The following PCBP1 variants were observed in gnomAD, a reference collection of about 807,000 sequenced individuals.
PCBP1 encodes poly(rC)-binding protein 1.
For synonymous variants in PCBP1, 284 were observed against 195.8 expected, an observed-to-expected ratio of 1.45 and a Z score of -3.76; for missense variants, 244 against 474.4, an observed-to-expected ratio of 0.51 and a Z score of 4.51.
chr2:70,087,643 C>T lies in PCBP1; in HGVS notation c.-101C>T. On this transcript the variant is annotated 5_prime_UTR_variant, in exon 1 of 1. Coordinates refer to ENST00000303577, the MANE Select transcript of PCBP1 (RefSeq NM_006196.4). ...GCTCCCGCGGCCCTCGCTCGCCTCGCGCCGGCAGTTTTGGGCCTACACCTC... is the reference window on the plus strand; with the variant it reads ...GCTCCCGCGGCCCTCGCTCGCCTCGTGCCGGCAGTTTTGGGCCTACACCTC... 1 of 702,914 alleles carries T rather than the reference C, an allele frequency of 1.4e-6. No individual in the cohort carries two copies. The allele number at this position is 702,914 out of a possible 1,614,324, so 43.5% of individuals were successfully genotyped here.
rs1175574794 is a variant in PCBP1 at position 70,087,863 on chromosome 2, C to T, written c.120C>T (p.Arg40=). 1.9e-6 allele frequency: 3 copies of T among 1,612,406 alleles called. No individual in the cohort carries two copies. The highest frequency in any genetic ancestry group is 2.7e-5 in the African/African-American group (2 of 74,806). ...AAGGGGAGTCGGTTAAGAGGATCCG[C>T]GAGGAGAGTGGCGCGCGGATCAACA... ...GKKGESVKRI[R]EESGARINIS... is the part of the protein sequence containing the mutation. The change falls in exon 1 of 1, where the codon CGC becomes CGT. Residue 40 remains arginine (R), a synonymous_variant. Coordinates refer to ENST00000303577, the MANE Select transcript of PCBP1 (RefSeq NM_006196.4).
Position 70,087,957 on chromosome 2 carries a change from T to C in PCBP1, c.214T>C (p.Phe72Leu). ...TGPTNAIFKA[F>L]AMIIDKLEED... is the part of the protein sequence containing the mutation. ...CCCCACCAATGCCATCTTTAAGGCTTTCGCTATGATCATCGACAAGCTGGA... is the reference window on the plus strand; with the variant it reads ...CCCCACCAATGCCATCTTTAAGGCTCTCGCTATGATCATCGACAAGCTGGA... The change falls in exon 1 of 1, where the codon TTC becomes CTC. Residue 72 changes from phenylalanine to leucine, a missense_variant. Phe to Leu is a conservative substitution (Grantham distance 22). Coordinates refer to ENST00000303577, the MANE Select transcript of PCBP1 (RefSeq NM_006196.4). 6.2e-7 allele frequency: 1 copy of C among 1,613,702 alleles called. No individual in the cohort carries two copies. The highest frequency in any genetic ancestry group is 8.5e-7 in the Non-Finnish European group (1 of 1,179,850).
rs1235031641 is a variant in PCBP1, at chr2:70,087,717, T to TC, written c.-22dup. The TC allele has an allele frequency of 4.1e-6, 6 of 1,458,150 alleles. No homozygotes were observed. Among genetic ancestry groups the TC allele is most frequent in the Non-Finnish European group, 5.6e-6 (6 of 1,074,396 alleles). 90.3% of individuals were successfully genotyped at this position (1,458,150 alleles called of 1,614,324 possible). A position where few individuals can be genotyped will look rare whatever the true frequency, so the allele number is the denominator to read the frequency against. ...GACTTGACCACGTAACGAGCCCAAC[T>TC]CCCCCGAACGCCGCCCGCCGCTCGC... On this transcript the variant is annotated 5_prime_UTR_variant, in exon 1 of 1. Coordinates refer to ENST00000303577, the MANE Select transcript of PCBP1 (RefSeq NM_006196.4).
Position 70,087,947 on chromosome 2 carries a change from C to T in PCBP1, c.204C>T (p.Ile68=), listed in dbSNP as rs11545480. 1.0e-4 allele frequency: 163 copies of T among 1,613,650 alleles called. No homozygotes were observed. In the African/African-American group the frequency reaches 1.9e-3, roughly 19 times the overall value. ...IITLTGPTNA[I]FKAFAMIIDK... ...CTCTGACCGGCCCCACCAATGCCAT[C>T]TTTAAGGCTTTCGCTATGATCATCG... Residue 68 remains isoleucine (I), a synonymous_variant, in exon 1 of 1, where the codon ATC becomes ATT. Coordinates refer to ENST00000303577, the MANE Select transcript of PCBP1 (RefSeq NM_006196.4).
In PCBP1 at chr2:70,087,681, C is replaced by T. The variant is rs926931803; in HGVS notation, c.-63C>T. On this transcript the variant is annotated 5_prime_UTR_variant, in exon 1 of 1. Transcript: ENST00000303577. ...GGGCCTACACCTCCCCTCCCCCCGC[C>T]AGCCGCCAAAGACTTGACCACGTAA... 12 of 1,172,172 alleles carry T rather than the reference C, an allele frequency of 1.0e-5. No individual in the cohort carries two copies. The South Asian group carries it at 1.7e-4, about 16-fold the overall frequency. The allele number at this position is 1,172,172 out of a possible 1,614,324, so 72.6% of individuals were successfully genotyped here.
rs1253538362 is a variant in PCBP1 at position 70,088,343 on chromosome 2, G to T, written c.600G>T (p.Arg200=). 6.2e-7 allele frequency: 1 copy of T among 1,613,860 alleles called. No individual in the cohort carries two copies. The highest frequency in any genetic ancestry group is 1.7e-5 in the Admixed American group (1 of 60,028). Residue 200 remains arginine (R), a synonymous_variant, in exon 1 of 1, where the codon CGG becomes CGT. Transcript: ENST00000303577. This position sits in a 1 kb window ranked among gnomAD's most constrained non-coding sequence, Gnocchi z 4.5. ...TCATCTGCGCGGGCGGCCAAGATCG[G>T]TGCAGCGACGCTGCGGGCTACCCCC... ...SPVICAGGQD[R]CSDAAGYPHA... is the part of the protein sequence containing the mutation.
Position 70,089,085 on chromosome 2 carries a change from AAG to A in PCBP1, c.*274_*275del, listed in dbSNP as rs1222669570. On this transcript the variant is annotated 3_prime_UTR_variant, in exon 1 of 1. Coordinates refer to ENST00000303577, the MANE Select transcript of PCBP1 (RefSeq NM_006196.4). ...ATTTCTGTTTGTCGATAAGAAATGT[AAG>A]AGTGGAATGTTAATAAATTTCAGTT... The A allele has an allele frequency of 5.1e-6, 2 of 391,790 alleles. No individual in the cohort carries two copies. Among genetic ancestry groups the A allele is most frequent in the Non-Finnish European group, 9.5e-6 (2 of 209,908 alleles). The allele number at this position is 391,790 out of a possible 1,614,324, so 24.3% of individuals were successfully genotyped here.
chr2:70,088,250 G>C lies in PCBP1; in HGVS notation c.507G>C (p.Thr169=), dbSNP rs760433487. Residue 169 remains threonine (T), a synonymous_variant, in exon 1 of 1, where the codon ACG becomes ACC. Coordinates refer to ENST00000303577, the MANE Select transcript of PCBP1 (RefSeq NM_006196.4). This position sits in a 1 kb window ranked among gnomAD's most constrained non-coding sequence, Gnocchi z 4.5. ...VKQICLVMLE[T]LSQSPQGRVM... is the part of the protein sequence containing the mutation. ...AGATTTGCCTGGTCATGCTGGAGAC[G>C]CTCTCCCAGTCTCCGCAAGGGAGAG... 8.7e-6 allele frequency: 14 copies of C among 1,613,694 alleles called. No individual in the cohort carries two copies. In the Admixed American group the frequency reaches 2.2e-4, roughly 25 times the overall value.
chr2:70,088,406 C>T lies in PCBP1; in HGVS notation c.663C>T (p.Ala221=), dbSNP rs1161067882. Residue 221 remains alanine (A), a synonymous_variant, in exon 1 of 1, where the codon GCC becomes GCT. Coordinates refer to ENST00000303577, the MANE Select transcript of PCBP1 (RefSeq NM_006196.4). This position sits in a 1 kb window ranked among gnomAD's most constrained non-coding sequence, Gnocchi z 4.5. Reference sequence around the variant, plus strand: ...ACCTGGAGGGACCACCTCTAGATGCCTACTCGATTCAAGGACAACACACCA... The same window carrying T: ...ACCTGGAGGGACCACCTCTAGATGCTTACTCGATTCAAGGACAACACACCA... The part of the protein sequence containing the change: ...THDLEGPPLD[A]YSIQGQHTIS... The T allele has an allele frequency of 1.9e-6, 3 of 1,614,036 alleles. No homozygotes were observed. Among genetic ancestry groups the T allele is most frequent in the South Asian group, 2.2e-5 (2 of 91,094 alleles).
At position 70,087,485 on chromosome 2, in the gene PCBP1, G is replaced by C. The variant is rs1459393711; in HGVS notation, c.-259G>C. ...GGCTTCCCGCCCCGCCCAGACCGCC[G>C]AGGCTGCCGCCGGAGTCGCCACCGC... On this transcript the variant is annotated 5_prime_UTR_variant, in exon 1 of 1. Coordinates refer to ENST00000303577, the MANE Select transcript of PCBP1 (RefSeq NM_006196.4). The C allele has an allele frequency of 6.8e-6, 1 of 147,744 alleles. No homozygotes were observed. The highest frequency in any genetic ancestry group is 2.5e-5 in the African/African-American group (1 of 39,958). 9.2% of individuals were successfully genotyped at this position (147,744 alleles called of 1,614,324 possible).
rs1393836671 is a variant in PCBP1, at chr2:70,088,932, C to CTT, written c.*120_*121dup. The CTT allele has an allele frequency of 8.9e-6, 6 of 676,226 alleles. No homozygotes were observed. The African/African-American group carries it at 1.1e-4, about 12-fold the overall frequency. 41.9% of individuals were successfully genotyped at this position (676,226 alleles called of 1,614,324 possible). On this transcript the variant is annotated 3_prime_UTR_variant, in exon 1 of 1. Transcript: ENST00000303577. The surrounding 1 kb of genome is among the most constrained non-coding windows in gnomAD (Gnocchi z 4.5). Reference sequence around the variant, plus strand: ...TTGTAAGTGTTCAGTTTCTACACAACTTTATCATCCGCTAAGAATTTAAAA... The same window carrying CTT: ...TTGTAAGTGTTCAGTTTCTACACAACTTTTTATCATCCGCTAAGAATTTAAAA...
At position 70,088,604 on chromosome 2, in the gene PCBP1, A is replaced by G. The variant is rs1224951035; in HGVS notation, c.861A>G (p.Pro287=). The G allele has an allele frequency of 6.2e-7, 1 of 1,614,248 alleles. No individual in the cohort carries two copies. Among genetic ancestry groups the G allele is most frequent in the East Asian group, 2.2e-5 (1 of 44,890 alleles). ...AAACCACCCATGAACTCACCATTCC[A>G]AATAACTTAATTGGCTGCATAATCG... ...STQTTHELTI[P]NNLIGCIIGR... The change falls in exon 1 of 1, where the codon CCA becomes CCG. Residue 287 remains proline, a synonymous_variant. Coordinates refer to ENST00000303577, the MANE Select transcript of PCBP1 (RefSeq NM_006196.4). The surrounding 1 kb of genome is among the most constrained non-coding windows in gnomAD (Gnocchi z 4.5).
chr2:70,087,622 C>A lies in PCBP1; in HGVS notation c.-122C>A. On this transcript the variant is annotated 5_prime_UTR_variant, in exon 1 of 1. Transcript: ENST00000303577. ...GCCTCCCGCCCGCTCCCGCTCGCTCCCGCGGCCCTCGCTCGCCTCGCGCCG... is the reference window on the plus strand; with the variant it reads ...GCCTCCCGCCCGCTCCCGCTCGCTCACGCGGCCCTCGCTCGCCTCGCGCCG... 1.8e-6 allele frequency: 1 copy of A among 547,924 alleles called. No individual in the cohort carries two copies. 33.9% of individuals were successfully genotyped at this position (547,924 alleles called of 1,614,324 possible).
chr2:70,087,662 A>T lies in PCBP1; in HGVS notation c.-82A>T. The T allele has an allele frequency of 2.1e-6, 2 of 962,222 alleles. No individual in the cohort carries two copies. Among genetic ancestry groups the T allele is most frequent in the South Asian group, 1.7e-5 (1 of 58,552 alleles). 59.6% of individuals were successfully genotyped at this position (962,222 alleles called of 1,614,324 possible). Reference sequence around the variant, plus strand: ...GCCTCGCGCCGGCAGTTTTGGGCCTACACCTCCCCTCCCCCCGCCAGCCGC... The same window carrying T: ...GCCTCGCGCCGGCAGTTTTGGGCCTTCACCTCCCCTCCCCCCGCCAGCCGC... On this transcript the variant is annotated 5_prime_UTR_variant, in exon 1 of 1. Coordinates refer to ENST00000303577, the MANE Select transcript of PCBP1 (RefSeq NM_006196.4).
rs752253658 is a variant in PCBP1, at chr2:70,087,758, G to T, written c.15G>T (p.Val5=). ...CGCCGCTCGCCATGGATGCCGGTGTGACTGAAAGTGGACTAAATGTGACTC... is the reference window on the plus strand; with the variant it reads ...CGCCGCTCGCCATGGATGCCGGTGTTACTGAAAGTGGACTAAATGTGACTC... MDAG[V]TESGLNVTLT... is the part of the protein sequence containing the mutation. The change falls in exon 1 of 1, where the codon GTG becomes GTT. Residue 5 remains valine (V), a synonymous_variant. Transcript: ENST00000303577. The T allele has an allele frequency of 1.3e-6, 2 of 1,551,742 alleles. No individual in the cohort carries two copies. Among genetic ancestry groups the T allele is most frequent in the African/African-American group, 1.4e-5 (1 of 73,336 alleles).
Position 70,088,525 on chromosome 2 carries a change from A to C in PCBP1, c.782A>C (p.Asp261Ala). 6.2e-7 allele frequency: 1 copy of C among 1,614,190 alleles called. No homozygotes were observed. Residue 261 changes from aspartate (D) to alanine (A), a missense_variant, in exon 1 of 1, where the codon GAC becomes GCC. Asp to Ala is a moderately radical substitution (Grantham distance 126). Coordinates refer to ENST00000303577, the MANE Select transcript of PCBP1 (RefSeq NM_006196.4). The surrounding 1 kb of genome is among the most constrained non-coding windows in gnomAD (Gnocchi z 4.5). ...GGCGGGACCGGATTCGCCGGAATTG[A>C]CTCCAGCTCTCCAGAGGTGAAAGGC... Reference protein sequence around the residue: ...MHGGTGFAGIDSSSPEVKGYW... With the variant: ...MHGGTGFAGIASSSPEVKGYW...
Position 70,087,517 on chromosome 2 carries a change from C to G in PCBP1, c.-227C>G, listed in dbSNP as rs1168392550. 6.8e-6 allele frequency: 1 copy of G among 146,930 alleles called. No individual in the cohort carries two copies. Among genetic ancestry groups the G allele is most frequent in the African/African-American group, 2.5e-5 (1 of 40,470 alleles). 9.1% of individuals were successfully genotyped at this position (146,930 alleles called of 1,614,324 possible). On this transcript the variant is annotated 5_prime_UTR_variant, in exon 1 of 1. Coordinates refer to ENST00000303577, the MANE Select transcript of PCBP1 (RefSeq NM_006196.4). ...CCGCCGGAGTCGCCACCGCCGCGCC[C>G]TCGCCCACCCGCCCGCCCGCCGCTC...
Position 70,088,400 on chromosome 2 carries a change from A to G in PCBP1, c.657A>G (p.Leu219=), listed in dbSNP as rs763588380. Residue 219 remains leucine (L), a synonymous_variant, in exon 1 of 1, where the codon CTA becomes CTG. Coordinates refer to ENST00000303577, the MANE Select transcript of PCBP1 (RefSeq NM_006196.4). The surrounding 1 kb of genome is among the most constrained non-coding windows in gnomAD (Gnocchi z 4.5). ...CCCATGACCTGGAGGGACCACCTCT[A>G]GATGCCTACTCGATTCAAGGACAAC... is the stretch of plus-strand genomic sequence containing the variant. ...HATHDLEGPP[L]DAYSIQGQHT... 6.2e-7 allele frequency: 1 copy of G among 1,614,130 alleles called. No homozygotes were observed. The highest frequency in any genetic ancestry group is 8.5e-7 in the Non-Finnish European group (1 of 1,180,028).
At position 70,088,094 on chromosome 2, in the gene PCBP1, G is replaced by C. The variant is rs540332159; in HGVS notation, c.351G>C (p.Gly117=). 3 of 1,613,766 alleles carry C rather than the reference G, an allele frequency of 1.9e-6. No individual in the cohort carries two copies. Among genetic ancestry groups the C allele is most frequent in the African/African-American group, 2.7e-5 (2 of 74,922 alleles). The change falls in exon 1 of 1, where the codon GGG becomes GGC. Residue 117 remains glycine (G), a synonymous_variant. Transcript: ENST00000303577. The surrounding 1 kb of genome is among the most constrained non-coding windows in gnomAD (Gnocchi z 4.5). ...GCGGCTCCCTGATTGGGAAAGGCGG[G>C]TGTAAGATCAAAGAGATCCGCGAGA... is the stretch of plus-strand genomic sequence containing the variant. The part of the protein sequence containing the change: ...TQCGSLIGKG[G]CKIKEIREST...
Sources: allele counts gnomAD v4.1 joint callset, GRCh38; gene constraint gnomAD v4.1.1; non-coding constraint Gnocchi (gnomAD v3.1); transcripts MANE v1.5; gene names NCBI Gene and HGNC (gene_info 2026-07-23, HGNC 2026-07-21).